Variants in FMR1 observed in about 807,000 individuals in gnomAD.
FMR1 encodes FMRP translational regulator 1.
Under a neutral mutation model 50.6 loss-of-function variants are expected in FMR1, and 13 were observed. The observed-to-expected ratio is 0.26, with a 90% CI of 0.17 to 0.41. The LOEUF is 0.41. FMR1 is among the 10% of genes least tolerant of loss of function. The probability of loss-of-function intolerance (pLI) is 1.00; values close to 1 mark genes in which losing one functional copy is unlikely to be tolerated. For missense variants in FMR1, 316 were observed against 491.3 expected, an observed-to-expected ratio of 0.64 and a Z score of 3.37; for synonymous variants, 138 against 164.1, an observed-to-expected ratio of 0.84 and a Z score of 1.22.
chrX:147,947,588 T>G (rs1192804830), intron 16 of FMR1: 3 of 108,946 alleles, frequency 2.8e-5, no homozygotes, highest in Non-Finnish European at 3.8e-5. Context: ...CGGGCACCTA[T>G]AGTCCCAGCT....
chrX:147,919,566 A>G (rs782350419), intron 1 of FMR1, among the ~76,000 whole-genome samples: 1 of 112,525 alleles, frequency 8.9e-6, no homozygotes, highest in South Asian at 3.6e-4. Context: ...GAAAATGTTG[A>G]TTTCTCCCCT....
rs1417335033 is a variant in FMR1 at position 147,950,015 on chromosome X, TAAC to T, written c.*1175_*1177del. The T allele has an allele frequency of 4.8e-5, 15 of 315,120 alleles. No individual in the cohort carries two copies. Among genetic ancestry groups the T allele is most frequent in the African/African-American group, 1.6e-4 (6 of 36,470 alleles). The allele number at this position is 315,120 out of a possible 1,213,427, so 26.0% of individuals were successfully genotyped here. A position where few individuals can be genotyped will look rare whatever the true frequency, so the allele number is the denominator to read the frequency against. ...GAAAAGACTAAGATCGGTTAACAAA[TAAC>T]AACTTTTTTTTCTTTTTTTCTTTTG... On this transcript the variant is annotated 3_prime_UTR_variant, in exon 17 of 17. Transcript: ENST00000370475.
intron 2 of FMR1, 33 bp from the exon 3 acceptor site, chrX:147,925,507 A>G: frequency 2.0e-6 from 2 of 1,013,348 alleles, no homozygotes; most frequent in South Asian, 1.9e-5. Flanking sequence ...CATGAAAAGC[A>G]TGTTAAATAA....
rs1557180023 is a variant in FMR1, at chrX:147,938,123, G to A, written c.1150G>A (p.Ala384Thr). 8.3e-7 allele frequency: 1 copy of A among 1,209,057 alleles called. No individual in the cohort carries two copies. Among genetic ancestry groups the A allele is most frequent in the Non-Finnish European group, 1.1e-6 (1 of 892,904 alleles). The change falls in exon 12 of 17, where the codon GCA (alanine) becomes ACA (threonine). Residue 384 changes from alanine to threonine, a missense_variant. This residue lies in a region of FMR1 where 53 missense variants were observed against 51.5 expected (regional missense o/e 1.03). Coordinates refer to ENST00000370475, the MANE Select transcript of FMR1 (RefSeq NM_002024.6). ...GGTGTTAGTGGCTTCATCAGTTGTA[G>A]CAGGGGAATCCCAGAAACCTGAACT... Reference protein sequence around the residue: ...QRVLVASSVVAGESQKPELKA... With the variant: ...QRVLVASSVVTGESQKPELKA...
At chrX:147,916,801 G>A (rs1269299816) in intron 1 of FMR1, among the ~76,000 whole-genome samples, 1 of 111,168 alleles carries the variant, frequency 9.0e-6, no homozygotes, top group Non-Finnish European at 1.9e-5. Flanking sequence ...GCAGTGGTGG[G>A]ATCTCAGCTC....
At chrX:147,924,496 T>G (rs2043311305) in intron 2 of FMR1, among the ~76,000 whole-genome samples, 1 of 85,150 alleles carries the variant, frequency 1.2e-5, no homozygotes, top group Non-Finnish European at 2.2e-5. Flanking sequence ...TGTGTGTGTG[T>G]GTGTCTATAT....
intron 7 of FMR1, among the ~76,000 whole-genome samples, chrX:147,932,136 A>G (rs1557178816): frequency 1.8e-5 from 2 of 111,973 alleles, no homozygotes; most frequent in African/African-American, 6.5e-5. Context: ...TGCTGATGTC[A>G]TTGGTTAACT....
intron 10 of FMR1, 51 bp downstream of exon 10, chrX:147,936,664 T>A (rs1557179711): frequency 1.3e-6 from 1 of 742,047 alleles, no homozygotes. Context: ...AGTAAAAGTT[T>A]TTTATGTGAT....
rs1281147734 is a variant in FMR1, at chrX:147,937,589, A to G, written c.1114A>G (p.Lys372Glu). The change falls in exon 11 of 17, where the codon AAA becomes GAA. Residue 372 changes from lysine (K) to glutamate (E), a missense_variant. Coordinates refer to ENST00000370475, the MANE Select transcript of FMR1 (RefSeq NM_002024.6). The part of the protein sequence containing the change: ...STHFSQPNST[K>E]VQRVLVASSV... ...CCATTTTTCTCAACCTAACAGTACA[A>G]AAGTCCAGAGGGTAAGAATTACTTG... The G allele has an allele frequency of 5.4e-6, 5 of 927,653 alleles. No individual in the cohort carries two copies. The highest frequency in any genetic ancestry group is 1.9e-5 in the African/African-American group (1 of 51,698). The allele number at this position is 927,653 out of a possible 1,213,427, so 76.4% of individuals were successfully genotyped here.
Position 147,948,951 on chromosome X carries a change from G to A in FMR1, c.*107G>A. ...CAAATAGTAGGCAAGATGGCACAGG[G>A]CATGAAATGAACACAAATTATGCTA... On this transcript the variant is annotated 3_prime_UTR_variant, in exon 17 of 17. Transcript: ENST00000370475. 2 of 813,899 alleles carry A rather than the reference G, an allele frequency of 2.5e-6. No individual in the cohort carries two copies. Among genetic ancestry groups the A allele is most frequent in the Non-Finnish European group, 3.7e-6 (2 of 542,488 alleles). 67.1% of individuals were successfully genotyped at this position (813,899 alleles called of 1,213,427 possible). A position where few individuals can be genotyped will look rare whatever the true frequency, so the allele number is the denominator to read the frequency against.
In FMR1 at chrX:147,944,889, A is replaced by T; in HGVS notation, c.1492A>T (p.Asn498Tyr). Reference protein sequence around the residue: ...YTSGTNSEASNASETESDHRD... With the variant: ...YTSGTNSEASYASETESDHRD... ...GATAGGAACTAATTCTGAAGCATCA[A>T]ATGCTTCTGAAACAGAATCTGACCA... The change falls in exon 15 of 17, where the codon AAT (asparagine) becomes TAT (tyrosine). Residue 498 changes from asparagine (N) to tyrosine (Y), a missense_variant. Asn to Tyr is a moderately radical substitution (Grantham distance 143). Around this residue, in one of 4 missense-constraint regions of FMR1, gnomAD observed 124 missense variants for 160.8 expected, o/e 0.77. Transcript: ENST00000370475. The T allele has an allele frequency of 8.3e-7, 1 of 1,209,297 alleles. No individual in the cohort carries two copies. Among genetic ancestry groups the T allele is most frequent in the Non-Finnish European group, 1.1e-6 (1 of 894,542 alleles).
At chrX:147,944,551 G>A in intron 14 of FMR1, 1 of 874,760 alleles carries the variant, frequency 1.1e-6, no homozygotes, top group Non-Finnish European at 1.4e-6. Context: ...TTCCTCCAGA[G>A]AGTATAGATG....
chrX:147,938,079 C>T lies in FMR1; in HGVS notation c.1126-20C>T, dbSNP rs1557180010. 8.5e-7 allele frequency: 1 copy of T among 1,182,542 alleles called. No homozygotes were observed. Among genetic ancestry groups the T allele is most frequent in the Non-Finnish European group, 1.2e-6 (1 of 868,553 alleles). On this transcript the variant is annotated intron_variant, in intron 11 of 16. Transcript: ENST00000370475. ...TTGTTATAGTTAATGACATCCCTTG[C>T]ATTCCTTATACTGCTTTAGGTGTTA...
intron 7 of FMR1, chrX:147,931,032 T>C (rs1479865327): frequency 8.9e-6 from 1 of 112,215 alleles, no homozygotes; most frequent in Non-Finnish European, 1.9e-5. Flanking sequence ...TGTATGATGC[T>C]GAACTCTTAG....
At chrX:147,912,299 G>A (rs2042617155) in intron 1 of FMR1, 69 bp downstream of exon 1, 1 of 1,052,247 alleles carries the variant, frequency 9.5e-7, no homozygotes, top group Non-Finnish European at 1.3e-6. Context: ...GTGTCGGCGG[G>A]AGGCAGGCCC....
chrX:147,926,688 A>AGG (rs2043401298), intron 3 of FMR1, among the ~76,000 whole-genome samples: 1 of 110,545 alleles, frequency 9.0e-6, no homozygotes, highest in Non-Finnish European at 1.9e-5. Context: ...GGGTTTCACC[A>AGG]TGTTGGTCAG....
chrX:147,943,083 A>C (rs1557181241), intron 13 of FMR1, 48 bp from the exon 14 acceptor site: 4 of 1,049,547 alleles, frequency 3.8e-6, no homozygotes, highest in Non-Finnish European at 5.3e-6. Flanking sequence ...GGTTTTATTA[A>C]GTAAAATGTC....
At chrX:147,922,535 C>T (rs1200316510) in intron 2 of FMR1, among the ~76,000 whole-genome samples, 1 of 111,387 alleles carries the variant, frequency 9.0e-6, no homozygotes, top group Admixed American at 9.6e-5. Context: ...GGAATATTAA[C>T]TGTATGAAAG....
intron 15 of FMR1, among the ~76,000 whole-genome samples, chrX:147,945,301 A>G (rs2044136596): frequency 8.9e-6 from 1 of 112,365 alleles, no homozygotes. Flanking sequence ...TCTAAACAGC[A>G]TCCCTTCATT....
Sources: gnomAD v4.1 joint callset for allele counts (sites outside exome capture counted in the v4.1 genomes callset) on GRCh38, gnomAD v4.1.1 for gene constraint, gnomAD v4.1.1 regional missense constraint, MANE v1.5 for transcripts, NCBI Gene and HGNC (gene_info 2026-07-23, HGNC 2026-07-21) for gene names.